ASIC4: variants seen among roughly 807,000 people sequenced by gnomAD.
ASIC4 encodes acid-sensing ion channel 4.
A neutral mutation model predicts 53.4 loss-of-function variants in ASIC4; 28 were observed. The observed-to-expected ratio is 0.52, with a 90% CI of 0.39 to 0.72. The LOEUF (loss-of-function observed/expected upper bound fraction) is 0.72. ASIC4 is among the 30% of genes least tolerant of loss of function. The pLI is 0.00. For missense variants in ASIC4, 649 were observed against 729.7 expected, an observed-to-expected ratio of 0.89 and a Z score of 1.27; for synonymous variants, 289 against 301.4, an observed-to-expected ratio of 0.96 and a Z score of 0.43.
At chr2:219,521,541 G>A (rs2125659323) in intron 1 of ASIC4, among the ~76,000 whole-genome samples, 1 of 152,226 alleles carries the variant, frequency 6.6e-6, no homozygotes, top group South Asian at 2.1e-4. Context: ...GAGAGGCAGG[G>A]GCACCCAGGA....
At chr2:219,512,565 A>G (rs1337174621), upstream of ASIC4, among the ~76,000 whole-genome samples, 1 of 152,156 alleles carries the variant, frequency 6.6e-6, no homozygotes, top group African/African-American at 2.4e-5. Flanking sequence ...AAGGTTTGGA[A>G]GTCTACCAGG....
In ASIC4 at chr2:219,536,393, C is replaced by G. The variant is rs150229216; in HGVS notation, c.1230-673C>G. On this transcript the variant is annotated intron_variant, in intron 6 of 9. Coordinates refer to ENST00000358078, the MANE Select transcript of ASIC4 (RefSeq NM_018674.6). The surrounding 1 kb of genome is among the most constrained non-coding windows in gnomAD (Gnocchi z 4.6). ...TGGAGCGTGGTCTGGGTGCCAGGCT[C>G]AGTGCTGGGTTCTGTGGGGACAGAT... Among the ~76,000 whole-genome samples the G allele has an allele frequency of 1.3e-3, 201 of 152,280 alleles. No individual in the cohort carries two copies. The highest frequency in any genetic ancestry group is 4.7e-3 in the African/African-American group (197 of 41,548).
At chr2:219,525,927 C>G (rs563714662) in intron 1 of ASIC4, among the ~76,000 whole-genome samples, 1 of 152,182 alleles carries the variant, frequency 6.6e-6, no homozygotes, top group Non-Finnish European at 1.5e-5. Context: ...GGGGAAGTGC[C>G]GGGACCAGAG....
chr2:219,509,955 G>C (rs1242190800), upstream of ASIC4, among the ~76,000 whole-genome samples: 3 of 151,894 alleles, frequency 2.0e-5, no homozygotes, highest in South Asian at 4.2e-4. This position sits in a 1 kb window ranked among gnomAD's most constrained non-coding sequence, Gnocchi z 5.2. Flanking sequence ...CTCGATCCTC[G>C]GTAGTGCGTC....
chr2:219,533,046 G>A (rs777820874), intron 5 of ASIC4, 107 bp downstream of exon 5: 1 of 1,266,550 alleles, frequency 7.9e-7, no homozygotes, highest in South Asian at 1.2e-5. Flanking sequence ...TTCCTGGAGG[G>A]TTCTTCCTGG....
the ASIC4 span, among the ~76,000 whole-genome samples, chr2:219,508,323 A>T: frequency 6.6e-6 from 1 of 152,104 alleles, no homozygotes; most frequent in Non-Finnish European, 1.5e-5. Context: ...TGATAATTTA[A>T]TTATTTTCTC....
At chr2:219,524,343 G>C (rs1041204337) in intron 1 of ASIC4, among the ~76,000 whole-genome samples, 1 of 152,244 alleles carries the variant, frequency 6.6e-6, no homozygotes, top group East Asian at 1.9e-4. Context: ...TGTGCCAAGT[G>C]TATGTCACAC....
chr2:219,537,532 G>T lies in ASIC4; in HGVS notation c.1402-100G>T. 8.8e-7 allele frequency: 1 copy of T among 1,141,458 alleles called. No homozygotes were observed. Among genetic ancestry groups the T allele is most frequent in the Non-Finnish European group, 1.3e-6 (1 of 794,112 alleles). 70.7% of individuals were successfully genotyped at this position (1,141,458 alleles called of 1,614,324 possible). On this transcript the variant is annotated intron_variant, in intron 8 of 9. Transcript: ENST00000358078. This position sits in a 1 kb window ranked among gnomAD's most constrained non-coding sequence, Gnocchi z 4.9. ...GAGGGTGTCCTACTGGGAGTTTGCT[G>T]TGGCAGTAAGTCCTGTGGGCAGCTG...
upstream of ASIC4, among the ~76,000 whole-genome samples, chr2:219,512,755 C>T (rs1471531685): frequency 2.6e-5 from 4 of 152,262 alleles, no homozygotes; most frequent in Non-Finnish European, 5.9e-5. Context: ...CTTATCTTCC[C>T]AGCTTGGGGA....
intron 5 of ASIC4, among the ~76,000 whole-genome samples, chr2:219,534,813 G>C (rs1181097831): frequency 2.1e-5 from 3 of 144,536 alleles, no homozygotes; most frequent in African/African-American, 7.9e-5. Flanking sequence ...ATCCATCCAT[G>C]CATGCATCCC....
chr2:219,535,703 G>A (rs1187506627), intron 6 of ASIC4, among the ~76,000 whole-genome samples: 1 of 151,994 alleles, frequency 6.6e-6, no homozygotes, highest in Non-Finnish European at 1.5e-5. Flanking sequence ...GGTGGAGGCA[G>A]GGAGTGGGCC....
At chr2:219,533,125 C>G in intron 5 of ASIC4, 186 bp downstream of exon 5, 1 of 659,548 alleles carries the variant, frequency 1.5e-6, no homozygotes, top group South Asian at 1.7e-5. Context: ...GGTACAGACA[C>G]TTGGGTAAGT....
the ASIC4 span, among the ~76,000 whole-genome samples, chr2:219,507,368 C>G: frequency 2.6e-5 from 4 of 152,246 alleles, no homozygotes; most frequent in Admixed American, 6.5e-5. Flanking sequence ...CCGCTCTGCT[C>G]GGTTCCCGCT....
rs1183173086 is a variant in ASIC4, at chr2:219,538,254, C to T, written c.*208C>T. ...ACCCCTTATCCCCAGGCTGGTGCCC[C>T]GGGAGGGCTGGAGACCAGGCCATGG... On this transcript the variant is annotated 3_prime_UTR_variant, in exon 10 of 10. Coordinates refer to ENST00000358078, the MANE Select transcript of ASIC4 (RefSeq NM_018674.6). The T allele has an allele frequency of 2.4e-5, 14 of 576,974 alleles. No individual in the cohort carries two copies. Among genetic ancestry groups the T allele is most frequent in the Non-Finnish European group, 4.0e-5 (13 of 325,172 alleles). The allele number at this position is 576,974 out of a possible 1,614,324, so 35.7% of individuals were successfully genotyped here.
At chr2:219,532,157 G>C in intron 3 of ASIC4, 29 bp downstream of exon 3, 1 of 1,613,454 alleles carries the variant, frequency 6.2e-7, no homozygotes, top group Non-Finnish European at 8.5e-7. Flanking sequence ...GCCCTGGATT[G>C]GGCACAGGGC....
At chr2:219,532,287 A>G (rs1288490784) in intron 3 of ASIC4, 28 bp from the exon 4 acceptor site, 2 of 1,602,546 alleles carry the variant, frequency 1.2e-6, no homozygotes, top group East Asian at 2.2e-5. Flanking sequence ...ATTCCTGAGC[A>G]TGACCTCATC....
In ASIC4 at chr2:219,537,459, G is replaced by C. The variant is rs1350661857; in HGVS notation, c.1401+138G>C. 8.7e-7 allele frequency: 1 copy of C among 1,155,430 alleles called. No homozygotes were observed. Among genetic ancestry groups the C allele is most frequent in the East Asian group, 2.6e-5 (1 of 38,888 alleles). The allele number at this position is 1,155,430 out of a possible 1,614,324, so 71.6% of individuals were successfully genotyped here. A position where few individuals can be genotyped will look rare whatever the true frequency, so the allele number is the denominator to read the frequency against. ...TCTGCCAGGGTCCCCTGACTGGCTG[G>C]CAGGCCTGAGGGCTCAGAGTCAGGA... On this transcript the variant is annotated intron_variant, in intron 8 of 9. Coordinates refer to ENST00000358078, the MANE Select transcript of ASIC4 (RefSeq NM_018674.6). The surrounding 1 kb of genome is among the most constrained non-coding windows in gnomAD (Gnocchi z 4.9).
chr2:219,533,416 TGGG>T, intron 5 of ASIC4: 1 of 184,332 alleles, frequency 5.4e-6, no homozygotes, highest in Admixed American at 5.4e-5. Context: ...GAGGTGAGAG[TGGG>T]GGCGACAGCC....
chr2:219,538,103 CA>C lies in ASIC4; in HGVS notation c.*58del. ...CTGGGACCCCTCCTGGGATCCCCAG[CA>C]CATTCTCCTGCTCCTGGGAGAGGCC... On this transcript the variant is annotated 3_prime_UTR_variant, in exon 10 of 10. Transcript: ENST00000358078. The C allele has an allele frequency of 1.4e-6, 2 of 1,409,054 alleles. No individual in the cohort carries two copies. The highest frequency in any genetic ancestry group is 2.0e-6 in the Non-Finnish European group (2 of 1,012,580). The allele number at this position is 1,409,054 out of a possible 1,614,324, so 87.3% of individuals were successfully genotyped here.
Sources: gnomAD v4.1 joint callset for allele counts (sites outside exome capture counted in the v4.1 genomes callset) on GRCh38, gnomAD v4.1.1 for gene constraint, Gnocchi (gnomAD v3.1) non-coding constraint, MANE v1.5 for transcripts, NCBI Gene and HGNC (gene_info 2026-07-23, HGNC 2026-07-21) for gene names.